PID1: variants seen among roughly 807,000 people sequenced by gnomAD.
PID1 encodes PTB-containing, cubilin and LRP1-interacting protein.
Under a neutral mutation model 19.1 loss-of-function variants are expected in PID1, and 10 were observed. The ratio of observed to expected loss-of-function variants is 0.52; its 90% CI spans 0.32 to 0.89. The LOEUF (loss-of-function observed/expected upper bound fraction) is 0.89, where lower values mean the gene tolerates loss of function less well. Ranked by LOEUF, PID1 falls within the 40% of genes least tolerant of loss-of-function variation. The probability of loss-of-function intolerance (pLI) is 0.03; values close to 1 mark genes in which losing one functional copy is unlikely to be tolerated. For synonymous variants in PID1, 130 were observed against 116.0 expected, an observed-to-expected ratio of 1.12 and a Z score of -0.78; for missense variants, 248 against 285.3, an observed-to-expected ratio of 0.87 and a Z score of 0.94.
At chr2:229,092,053 AAT>A (rs1553561608) in intron 2 of PID1, among the ~76,000 whole-genome samples, 3 of 145,294 alleles carry the variant, frequency 2.1e-5, no homozygotes, top group African/African-American at 8.5e-5. Context: ...AGTTAATGCC[AAT>A]CGTCCTGGCT....
intron 1 of PID1, among the ~76,000 whole-genome samples, chr2:229,224,926 T>G (rs1233789268): frequency 6.6e-6 from 1 of 152,196 alleles, no homozygotes; most frequent in Non-Finnish European, 1.5e-5. Context: ...TTTTCATCTG[T>G]AAGGTAAAGT....
chr2:229,222,555 C>T (rs188897552), intron 1 of PID1, among the ~76,000 whole-genome samples: 1 of 152,204 alleles, frequency 6.6e-6, no homozygotes, highest in African/African-American at 2.4e-5. Context: ...TTAAACATTG[C>T]TCATGTCTAT....
chr2:229,160,331 C>T (rs1377328509), intron 1 of PID1, among the ~76,000 whole-genome samples: 1 of 151,562 alleles, frequency 6.6e-6, no homozygotes, highest in African/African-American at 2.4e-5. Flanking sequence ...GGCTGGGGAG[C>T]CAAGTGAAAT....
rs1362258 is a variant in PID1 at position 229,176,256 on chromosome 2, C to T, written c.31-20292G>A. ...TTGACTTCCCACCCGTGAATGGTCT[C>T]GGTAAACAAACCCTAAGTCCACATG... is the stretch of plus-strand genomic sequence containing the variant. On this transcript the variant is annotated intron_variant, in intron 1 of 2. Transcript: ENST00000392055. Among the ~76,000 whole-genome samples, 422 of 152,260 alleles carry T rather than the reference C, an allele frequency of 2.8e-3. 3 individuals are homozygous for T. Among genetic ancestry groups the T allele is most frequent in the African/African-American group, 9.7e-3 (403 of 41,556 alleles).
chr2:229,025,601 T>A lies in PID1; in HGVS notation c.*31A>T, dbSNP rs758529095. The A allele has an allele frequency of 7.2e-6, 11 of 1,522,038 alleles. No individual in the cohort carries two copies. In the African/African-American group the frequency reaches 1.4e-4, roughly 19 times the overall value. The allele number at this position is 1,522,038 out of a possible 1,614,324, so 94.3% of individuals were successfully genotyped here. On this transcript the variant is annotated 3_prime_UTR_variant, in exon 3 of 3. Coordinates refer to ENST00000392055, the MANE Select transcript of PID1 (RefSeq NM_001100818.2). Reference sequence around the variant, plus strand: ...CTATTCCCTTGAACTCCGTGACCAATGCTGCCTTTGCTGAAGCGTCTCAAG... The same window carrying A: ...CTATTCCCTTGAACTCCGTGACCAAAGCTGCCTTTGCTGAAGCGTCTCAAG...
intron 1 of PID1, among the ~76,000 whole-genome samples, chr2:229,178,922 C>T (rs1690881766): frequency 6.6e-6 from 1 of 152,142 alleles, no homozygotes; most frequent in Admixed American, 6.5e-5. Flanking sequence ...ATGTGAAGAG[C>T]AGAGCTGACC....
chr2:229,139,286 C>T (rs1001609777), intron 2 of PID1, among the ~76,000 whole-genome samples: 62 of 152,202 alleles, frequency 4.1e-4, no homozygotes, highest in African/African-American at 1.4e-3. Context: ...GATACAGTGT[C>T]ACAAATGGCA....
At chr2:229,057,949 T>A (rs1694136934) in intron 2 of PID1, among the ~76,000 whole-genome samples, 1 of 152,210 alleles carries the variant, frequency 6.6e-6, no homozygotes, top group South Asian at 2.1e-4. Flanking sequence ...CTGACTTAAA[T>A]GTTTACAAAG....
chr2:229,049,230 A>G (rs910675272), intron 2 of PID1, among the ~76,000 whole-genome samples: 1 of 152,060 alleles, frequency 6.6e-6, no homozygotes, highest in African/African-American at 2.4e-5. Context: ...CAGATGAAAA[A>G]TGGTATCCTG....
chr2:229,271,067 A>T lies in PID1; in HGVS notation c.-24T>A. ...ATCTTCCAGCCCTGGGTTTTGGCAG[A>T]GGAGACGCTGGCGAGACTGTCGATC... is the stretch of plus-strand genomic sequence containing the variant. On this transcript the variant is annotated 5_prime_UTR_variant, in exon 1 of 3. Transcript: ENST00000392055. 1 of 1,542,010 alleles carries T rather than the reference A, an allele frequency of 6.5e-7. No individual in the cohort carries two copies. The highest frequency in any genetic ancestry group is 8.7e-7 in the Non-Finnish European group (1 of 1,143,506).
At chr2:229,070,693 G>C (rs1044637648) in intron 2 of PID1, among the ~76,000 whole-genome samples, 1 of 152,120 alleles carries the variant, frequency 6.6e-6, no homozygotes, top group African/African-American at 2.4e-5. Context: ...GAGCAGGAGA[G>C]GCATCAAAAG....
chr2:229,146,723 T>C (rs984986747), intron 2 of PID1, among the ~76,000 whole-genome samples: 8 of 151,916 alleles, frequency 5.3e-5, no homozygotes, highest in African/African-American at 1.5e-4. Context: ...CCTAGATAGA[T>C]AGATTACTGG....
intron 1 of PID1, among the ~76,000 whole-genome samples, chr2:229,204,615 G>C (rs773447002): frequency 6.6e-6 from 1 of 151,984 alleles, no homozygotes; most frequent in African/African-American, 2.4e-5. Flanking sequence ...TAGACAAGAG[G>C]AGAAAACACG....
chr2:229,047,978 C>T (rs185908188), intron 2 of PID1, among the ~76,000 whole-genome samples: 278 of 152,316 alleles, frequency 1.8e-3, no homozygotes, highest in African/African-American at 6.1e-3. Context: ...AGACTGCTGA[C>T]GTGAAGAAAC....
At chr2:229,066,221 T>C (rs1445992815) in intron 2 of PID1, among the ~76,000 whole-genome samples, 1 of 152,212 alleles carries the variant, frequency 6.6e-6, no homozygotes, top group Non-Finnish European at 1.5e-5. Context: ...ATGCTTAATC[T>C]ACACCAGGCA....
chr2:229,244,105 G>A (rs1689942320), intron 1 of PID1, among the ~76,000 whole-genome samples: 1 of 152,122 alleles, frequency 6.6e-6, no homozygotes, highest in Admixed American at 6.6e-5. Flanking sequence ...CTAGCATTAT[G>A]TAAACAAAAT....
At chr2:229,221,197 G>T (rs1185526878) in intron 1 of PID1, among the ~76,000 whole-genome samples, 1 of 152,114 alleles carries the variant, frequency 6.6e-6, no homozygotes. Context: ...GGAATGAAAG[G>T]TCCACATCCA....
intron 1 of PID1, among the ~76,000 whole-genome samples, chr2:229,267,133 A>G (rs1272357044): frequency 6.6e-6 from 1 of 152,220 alleles, no homozygotes; most frequent in Non-Finnish European, 1.5e-5. Context: ...AAAATCCCCA[A>G]ATAGTATTTA....
At chr2:229,269,083 CAA>C (rs1690668310) in intron 1 of PID1, among the ~76,000 whole-genome samples, 2 of 152,174 alleles carry the variant, frequency 1.3e-5, no homozygotes, top group South Asian at 2.1e-4. Flanking sequence ...TATGTACTTT[CAA>C]AAGAGACTCA....
Sources: allele counts gnomAD v4.1 joint callset (sites outside exome capture counted in the v4.1 genomes callset), GRCh38; gene constraint gnomAD v4.1.1; transcripts MANE v1.5; gene names NCBI Gene and HGNC (gene_info 2026-07-23, HGNC 2026-07-21).